The following ULK4 variants were observed in gnomAD, a reference collection of about 807,000 sequenced individuals.
ULK4 encodes inactive serine/threonine-protein kinase ULK4.
Under a neutral mutation model 160.6 loss-of-function variants are expected in ULK4, and 133 were observed. The observed-to-expected ratio is 0.83, with a 90% CI of 0.72 to 0.96. The LOEUF (loss-of-function observed/expected upper bound fraction) is 0.96. Ranked by LOEUF, ULK4 falls within the 40% of genes least tolerant of loss-of-function variation. The pLI is 0.00. For synonymous variants in ULK4, 534 were observed against 539.8 expected, an observed-to-expected ratio of 0.99 and a Z score of 0.15; for missense variants, 1,580 against 1,499.5, an observed-to-expected ratio of 1.05 and a Z score of -0.89.
At chr3:41,759,894 C>A (rs2038930490) in intron 21 of ULK4, among the ~76,000 whole-genome samples, 1 of 152,128 alleles carries the variant, frequency 6.6e-6, no homozygotes, top group Non-Finnish European at 1.5e-5. Context: ...ACCTGAACAT[C>A]CACATGCAAA....
chr3:41,786,374 G>T (rs571784656), intron 21 of ULK4, among the ~76,000 whole-genome samples: 4 of 152,050 alleles, frequency 2.6e-5, no homozygotes, highest in Non-Finnish European at 5.9e-5. Context: ...GGCTGCGACG[G>T]GGGATCACCT....
At chr3:41,942,048 C>T (rs911407199) in intron 2 of ULK4, among the ~76,000 whole-genome samples, 1 of 152,134 alleles carries the variant, frequency 6.6e-6, no homozygotes, top group African/African-American at 2.4e-5. Context: ...CCACCTTCAC[C>T]TCAACCACCT....
chr3:41,550,858 T>C (rs1247096776), intron 32 of ULK4, among the ~76,000 whole-genome samples: 2 of 152,054 alleles, frequency 1.3e-5, no homozygotes, highest in African/African-American at 4.8e-5. Context: ...ACATTAAACA[T>C]TCTCCAGGAT....
intron 1 of ULK4, chr3:41,955,456 C>T (rs73830583): frequency 0.12 from 18,841 of 152,274 alleles, 1,362 homozygotes; most frequent in Middle Eastern, 0.27. Flanking sequence ...TGGCTCTGCG[C>T]GACCCTGTGG....
At chr3:41,702,665 A>G (rs2036716773) in intron 27 of ULK4, among the ~76,000 whole-genome samples, 1 of 152,170 alleles carries the variant, frequency 6.6e-6, no homozygotes, top group Admixed American at 6.6e-5. Context: ...GGCTGATTTC[A>G]TAAGATGACA....
chr3:41,323,343 T>C (rs1197853691), intron 35 of ULK4, among the ~76,000 whole-genome samples: 4 of 148,484 alleles, frequency 2.7e-5, no homozygotes, highest in African/African-American at 7.5e-5. Context: ...GGAGTGAATA[T>C]TGAAGGGGAA....
chr3:41,642,008 T>C (rs1237968586), intron 30 of ULK4, among the ~76,000 whole-genome samples: 1 of 151,752 alleles, frequency 6.6e-6, no homozygotes, highest in Non-Finnish European at 1.5e-5. Flanking sequence ...CCCAAGTAGC[T>C]GGAATTACAG....
intron 23 of ULK4, among the ~76,000 whole-genome samples, chr3:41,717,115 A>G (rs370270200): frequency 6.6e-6 from 1 of 152,148 alleles, no homozygotes; most frequent in African/African-American, 2.4e-5. Flanking sequence ...AAATAGAAGA[A>G]ATAAATTCAG....
At chr3:41,706,078 A>G (rs1289162012) in intron 25 of ULK4, among the ~76,000 whole-genome samples, 2 of 150,230 alleles carry the variant, frequency 1.3e-5, no homozygotes, top group African/African-American at 2.5e-5. Context: ...TCTTATTCCA[A>G]CCCCCTTATC....
intron 3 of ULK4, among the ~76,000 whole-genome samples, chr3:41,936,341 A>G (rs116684820): frequency 2.1e-3 from 323 of 152,346 alleles, no homozygotes; most frequent in African/African-American, 7.6e-3. Context: ...GGCAAAAAAG[A>G]CTATGCCTTT....
intron 32 of ULK4, among the ~76,000 whole-genome samples, chr3:41,514,558 TA>T (rs2085690210): frequency 6.6e-6 from 1 of 152,046 alleles, no homozygotes; most frequent in Admixed American, 6.5e-5. Context: ...AATAAATGGA[TA>T]AAGAAAATGT....
At chr3:41,797,597 C>A (rs2040339661) in intron 20 of ULK4, among the ~76,000 whole-genome samples, 1 of 152,154 alleles carries the variant, frequency 6.6e-6, no homozygotes, top group Non-Finnish European at 1.5e-5. Context: ...CAGTGGCTCA[C>A]GACTGTAATC....
chr3:41,874,536 A>G (rs1230245741), intron 17 of ULK4, among the ~76,000 whole-genome samples: 1 of 152,256 alleles, frequency 6.6e-6, no homozygotes, highest in Non-Finnish European at 1.5e-5. Context: ...AAACATGAGG[A>G]CATAGAATGT....
rs368358127 is a variant in ULK4 at position 41,293,243 on chromosome 3, G to A, written c.3679-43669C>T. 2.2e-4 allele frequency among the ~76,000 whole-genome samples: 33 copies of A among 152,146 alleles called. No individual in the cohort carries two copies. In the South Asian group the frequency reaches 6.4e-3, roughly 30 times the overall value. On this transcript the variant is annotated intron_variant, in intron 35 of 36. Coordinates refer to ENST00000301831, the MANE Select transcript of ULK4 (RefSeq NM_017886.4). The stretch of plus-strand genomic sequence containing the variant: ...AAGATTCACAGAAAAACAATGATGG[G>A]ATTATCAGAAGAAAATAAAAATAGG...
chr3:41,919,894 T>G, intron 5 of ULK4, 76 bp from the exon 6 acceptor site: 2 of 843,664 alleles, frequency 2.4e-6, no homozygotes, highest in Non-Finnish European at 3.7e-6. Flanking sequence ...AGGAAAGATC[T>G]GATGAGATGA....
intron 32 of ULK4, among the ~76,000 whole-genome samples, chr3:41,480,190 G>C (rs2084273884): frequency 1.6e-5 from 2 of 126,458 alleles, no homozygotes; most frequent in African/African-American, 6.1e-5. Context: ...CTGGGTGACA[G>C]AGCGAGACTC....
At chr3:41,529,691 C>A (rs140605813) in intron 32 of ULK4, among the ~76,000 whole-genome samples, 368 of 152,276 alleles carry the variant, frequency 2.4e-3, no homozygotes, top group East Asian at 0.013. Context: ...CAGGGTTTCG[C>A]CATGTTGGTC....
At chr3:41,703,109 C>T (rs1337842210) in intron 27 of ULK4, among the ~76,000 whole-genome samples, 1 of 152,128 alleles carries the variant, frequency 6.6e-6, no homozygotes, top group East Asian at 1.9e-4. Flanking sequence ...CCGCCTCAGC[C>T]TCCCAAAGTG....
intron 35 of ULK4, among the ~76,000 whole-genome samples, chr3:41,336,960 C>T (rs1247768425): frequency 6.6e-6 from 1 of 152,188 alleles, no homozygotes; most frequent in Non-Finnish European, 1.5e-5. Context: ...ATACTAATGA[C>T]ACTAACTTGG....
Sources: allele counts gnomAD v4.1 joint callset (sites outside exome capture counted in the v4.1 genomes callset), GRCh38; gene constraint gnomAD v4.1.1; transcripts MANE v1.5; gene names NCBI Gene and HGNC (gene_info 2026-07-23, HGNC 2026-07-21).